AFF3: variants seen among roughly 807,000 people sequenced by gnomAD.
The protein encoded by AFF3 is AF4/FMR2 family member 3.
A neutral mutation model predicts 129.7 loss-of-function variants in AFF3; 32 were observed. That is an observed-to-expected ratio of 0.25 (90% confidence interval 0.19 to 0.33). The LOEUF (loss-of-function observed/expected upper bound fraction) is 0.33, where lower values mean the gene tolerates loss of function less well. Among genes scored for constraint, AFF3 ranks in the 10% least tolerant of loss-of-function variants. The pLI is 1.00. For missense variants in AFF3, 1,373 were observed against 1,592.0 expected (o/e 0.86, Z 2.34); for synonymous variants, 644 against 635.4 (o/e 1.01, Z -0.20).
chr2:99,561,406 TACAATATACATGTA>T lies in AFF3; in HGVS notation c.3120-984_3120-971del, dbSNP rs1214442675. Among the ~76,000 whole-genome samples, 16 of 152,396 alleles carry T rather than the reference TACAATATACATGTA, an allele frequency of 1.0e-4. 1 individual carries two copies. The East Asian group carries it at 2.5e-3, about 24-fold the overall frequency. On this transcript the variant is annotated intron_variant, in intron 20 of 24. Coordinates refer to ENST00000672756, the MANE Select transcript of AFF3 (RefSeq NM_001386135.1). The stretch of plus-strand genomic sequence containing the variant: ...TTTTTACAGCGGTTGCTCTGGATTT[TACAATATACATGTA>T]ATTTATTGGTATCAACATTTTATCA...
chr2:99,572,213 T>G (rs1676532641), intron 18 of AFF3, among the ~76,000 whole-genome samples: 1 of 151,534 alleles, frequency 6.6e-6, no homozygotes, highest in Non-Finnish European at 1.5e-5. Flanking sequence ...ATCTTCATTA[T>G]GAGAGCTCTC....
At position 99,852,721 on chromosome 2, in the gene AFF3, T is replaced by C. The variant is rs142119692; in HGVS notation, c.874-15197A>G. On this transcript the variant is annotated intron_variant, in intron 7 of 24. Coordinates refer to ENST00000672756, the MANE Select transcript of AFF3 (RefSeq NM_001386135.1). ...GACAAGTACTTGCAAACAAAGTAAA[T>C]AGTGTGATGTAAAAAGGCTGGTCTG... is the stretch of plus-strand genomic sequence containing the variant. 4.7e-3 allele frequency among the ~76,000 whole-genome samples: 708 copies of C among 152,236 alleles called. 3 individuals are homozygous for C. The highest frequency in any genetic ancestry group is 0.016 in the African/African-American group (671 of 41,534).
chr2:99,601,750 G>T, intron 13 of AFF3, 129 bp from the exon 14 acceptor site: 2 of 1,106,062 alleles, frequency 1.8e-6, no homozygotes, highest in Non-Finnish European at 2.5e-6. Flanking sequence ...TGTCAACCAT[G>T]ACCTGGAACT....
intron 7 of AFF3, among the ~76,000 whole-genome samples, chr2:99,854,687 C>A (rs971679714): frequency 6.6e-6 from 1 of 152,068 alleles, no homozygotes; most frequent in African/African-American, 2.4e-5. Context: ...TTTTTGCAAT[C>A]CTTGGCTGTA....
intron 8 of AFF3, among the ~76,000 whole-genome samples, chr2:99,771,464 G>T (rs1164723799): frequency 6.6e-6 from 1 of 150,984 alleles, no homozygotes; most frequent in East Asian, 1.9e-4. Flanking sequence ...TGCCAGGGAA[G>T]ATGTCTCAGC....
intron 7 of AFF3, among the ~76,000 whole-genome samples, chr2:99,927,512 G>C (rs1696344113): frequency 6.6e-6 from 1 of 152,116 alleles, no homozygotes; most frequent in African/African-American, 2.4e-5. Flanking sequence ...TAACTTATAA[G>C]TGGGAGCTAA....
At position 99,551,291 on chromosome 2, in the gene AFF3, G is replaced by A; in HGVS notation, c.*183C>T. The stretch of plus-strand genomic sequence containing the variant: ...CTGTGTATCTTACACACATACACAG[G>A]CGGCTTCTTATATACCCACACATAC... On this transcript the variant is annotated 3_prime_UTR_variant, in exon 25 of 25. Transcript: ENST00000672756. 1 of 759,294 alleles carries A rather than the reference G, an allele frequency of 1.3e-6. No homozygotes were observed. Among genetic ancestry groups the A allele is most frequent in the Non-Finnish European group, 2.1e-6 (1 of 481,806 alleles). 47.0% of individuals were successfully genotyped at this position (759,294 alleles called of 1,614,324 possible). A position where few individuals can be genotyped will look rare whatever the true frequency, so the allele number is the denominator to read the frequency against.
intron 4 of AFF3, among the ~76,000 whole-genome samples, chr2:100,096,465 T>C (rs1476439664): frequency 1.3e-5 from 2 of 152,014 alleles, no homozygotes; most frequent in African/African-American, 2.4e-5. Context: ...TCAAGCTTTA[T>C]GGAACTGTAC....
intron 7 of AFF3, among the ~76,000 whole-genome samples, chr2:99,906,392 A>C (rs1168862255): frequency 2.0e-5 from 3 of 152,146 alleles, no homozygotes; most frequent in African/African-American, 2.4e-5. Context: ...TTTCGGACCT[A>C]TGTGTCAGCC....
At chr2:99,599,632 G>A (rs1324179728) in intron 14 of AFF3, among the ~76,000 whole-genome samples, 1 of 152,170 alleles carries the variant, frequency 6.6e-6, no homozygotes, top group African/African-American at 2.4e-5. Flanking sequence ...AAATAAGCCT[G>A]AACATTCATG....
chr2:99,773,482 G>GA (rs1683652497), intron 8 of AFF3, among the ~76,000 whole-genome samples: 1 of 151,846 alleles, frequency 6.6e-6, no homozygotes, highest in Non-Finnish European at 1.5e-5. Flanking sequence ...AAACGTTTTG[G>GA]GAATTCTTCT....
chr2:99,795,626 C>T (rs1177049534), intron 8 of AFF3, among the ~76,000 whole-genome samples: 3 of 152,068 alleles, frequency 2.0e-5, no homozygotes, highest in Non-Finnish European at 4.4e-5. Flanking sequence ...TGCTAAACTC[C>T]TCGGCTCGGC....
chr2:100,018,192 G>A (rs978051584), intron 4 of AFF3, among the ~76,000 whole-genome samples: 2 of 151,994 alleles, frequency 1.3e-5, no homozygotes, highest in African/African-American at 4.8e-5. Context: ...AAACAGACTC[G>A]CCCATTTTAC....
chr2:100,093,833 C>T (rs1191162625), intron 4 of AFF3, among the ~76,000 whole-genome samples: 1 of 152,196 alleles, frequency 6.6e-6, no homozygotes, highest in Non-Finnish European at 1.5e-5. Context: ...GGACTTTATC[C>T]ACATCACTGT....
intron 8 of AFF3, among the ~76,000 whole-genome samples, chr2:99,779,966 A>T (rs1684257687): frequency 1.3e-5 from 2 of 152,232 alleles, no homozygotes; most frequent in Admixed American, 1.3e-4. Context: ...ATAGCCGCAC[A>T]TCATTATAAG....
At chr2:100,068,757 G>A (rs1559102668) in intron 4 of AFF3, among the ~76,000 whole-genome samples, 1 of 152,194 alleles carries the variant, frequency 6.6e-6, no homozygotes, top group South Asian at 2.1e-4. Context: ...TGCTGGGAGG[G>A]AAATCCCACA....
intron 7 of AFF3, among the ~76,000 whole-genome samples, chr2:99,857,757 A>G (rs1208767044): frequency 1.3e-5 from 2 of 152,192 alleles, no homozygotes; most frequent in African/African-American, 4.8e-5. Flanking sequence ...CTTCCAAAGT[A>G]CTTTGTGTCT....
chr2:99,654,825 T>C (rs1396129065), intron 12 of AFF3, among the ~76,000 whole-genome samples: 1 of 152,242 alleles, frequency 6.6e-6, no homozygotes, highest in Non-Finnish European at 1.5e-5. Flanking sequence ...TCTCTGTCTT[T>C]ATTATAGCAA....
chr2:99,563,554 T>C (rs990942295), intron 20 of AFF3, among the ~76,000 whole-genome samples: 23 of 151,220 alleles, frequency 1.5e-4, no homozygotes, highest in Non-Finnish European at 2.8e-4. Flanking sequence ...CTCACGCTTG[T>C]AATCTCAGCA....
Sources: allele counts gnomAD v4.1 joint callset (sites outside exome capture counted in the v4.1 genomes callset), GRCh38; gene constraint gnomAD v4.1.1; transcripts MANE v1.5; gene names NCBI Gene and HGNC (gene_info 2026-07-23, HGNC 2026-07-21).